Variants in NKD1 observed in about 807,000 individuals in gnomAD.
NKD1 encodes protein naked cuticle homolog 1.
In NKD1, 21 loss-of-function variants were observed where a neutral mutation model predicts 56.0. The observed-to-expected ratio is 0.38, with a 90% CI of 0.27 to 0.54. NKD1 has a LOEUF of 0.54. Ranked by LOEUF, NKD1 falls within the 20% of genes least tolerant of loss-of-function variation. The probability of loss-of-function intolerance (pLI) is 0.82; values close to 1 mark genes in which losing one functional copy is unlikely to be tolerated. For synonymous variants in NKD1, 263 were observed against 265.7 expected (o/e 0.99, Z 0.10); for missense variants, 578 against 642.7 (o/e 0.90, Z 1.09).
chr16:50,621,913 C>T (rs1962100797), intron 5 of NKD1, among the ~76,000 whole-genome samples: 1 of 152,238 alleles, frequency 6.6e-6, no homozygotes, highest in African/African-American at 2.4e-5. Context: ...TGCCCACCCC[C>T]TCAGCCCAGC....
At chr16:50,574,288 G>T in intron 3 of NKD1, 3 of 985,404 alleles carry the variant, frequency 3.0e-6, no homozygotes, top group African/African-American at 1.7e-5. Flanking sequence ...GACAGTGGGG[G>T]CTAGGGATTG....
intron 3 of NKD1, chr16:50,556,310 A>G (rs1466144484): frequency 1.3e-5 from 2 of 152,258 alleles, no homozygotes; most frequent in African/African-American, 4.8e-5. Context: ...ACTTCCAGAG[A>G]CATAAGTAAT....
intron 3 of NKD1, chr16:50,558,425 A>G (rs1274978119): frequency 1.3e-5 from 2 of 152,220 alleles, no homozygotes; most frequent in Non-Finnish European, 2.9e-5. Context: ...TATCGCATAG[A>G]TGAGGAGGCA....
chr16:50,554,042 G>A (rs1430541218), intron 3 of NKD1: 3 of 152,324 alleles, frequency 2.0e-5, no homozygotes, highest in East Asian at 3.8e-4. Context: ...GGGTCTTTGT[G>A]ATGTGGTCTC....
In NKD1 at chr16:50,637,092, G is replaced by A. The variant is rs745980749; in HGVS notation, c.*3311G>A. ...CACCAGCTTGCCCCATCCCCTCCTGGTGGTCATAAGGGTCATCTCTCATCC... is the reference window on the plus strand; with the variant it reads ...CACCAGCTTGCCCCATCCCCTCCTGATGGTCATAAGGGTCATCTCTCATCC... On this transcript the variant is annotated 3_prime_UTR_variant, in exon 10 of 10. Transcript: ENST00000268459. The A allele has an allele frequency of 6.6e-6, 1 of 152,130 alleles. No individual in the cohort carries two copies. Among genetic ancestry groups the A allele is most frequent in the African/African-American group, 2.4e-5 (1 of 41,392 alleles). 9.4% of individuals were successfully genotyped at this position (152,130 alleles called of 1,614,324 possible). A position where few individuals can be genotyped will look rare whatever the true frequency, so the allele number is the denominator to read the frequency against.
At position 50,649,198 on chromosome 16, in the gene NKD1, G is replaced by T. The variant is rs1325027930; in HGVS notation, c.*15417G>T. On this transcript the variant is annotated 3_prime_UTR_variant, in exon 10 of 10. Coordinates refer to ENST00000268459, the MANE Select transcript of NKD1 (RefSeq NM_033119.5). ...CATGGGACCTGACTGGGCTTTGTTT[G>T]CAACTTTCTGATAATTTATAATTAT... The T allele has an allele frequency of 2.0e-5, 3 of 152,074 alleles. No homozygotes were observed. Among genetic ancestry groups the T allele is most frequent in the Non-Finnish European group, 4.4e-5 (3 of 68,006 alleles). The allele number at this position is 152,074 out of a possible 1,614,324, so 9.4% of individuals were successfully genotyped here.
intron 3 of NKD1, among the ~76,000 whole-genome samples, chr16:50,601,958 C>T (rs1424081988): frequency 1.5e-4 from 23 of 152,206 alleles, no homozygotes; most frequent in Admixed American, 1.5e-3. Context: ...TCCAGGCCTC[C>T]AGGAGCCCTC....
intron 3 of NKD1, among the ~76,000 whole-genome samples, chr16:50,583,418 C>T (rs995153287): frequency 6.6e-6 from 1 of 152,136 alleles, no homozygotes; most frequent in African/African-American, 2.4e-5. Context: ...AGCCTTCCAG[C>T]CACCCCTACC....
intron 3 of NKD1, among the ~76,000 whole-genome samples, chr16:50,576,684 A>G (rs1316369354): frequency 6.6e-6 from 1 of 150,408 alleles, no homozygotes; most frequent in Non-Finnish European, 1.5e-5. Context: ...CCCCAAATTC[A>G]TTGAGTTGTA....
At chr16:50,602,736 G>A (rs114913829) in intron 3 of NKD1, among the ~76,000 whole-genome samples, 155 of 152,330 alleles carry the variant, frequency 1.0e-3, no homozygotes, top group African/African-American at 3.7e-3. Context: ...AGCACAGTCT[G>A]CGTGTCTTCC....
chr16:50,621,514 C>A, intron 4 of NKD1, 88 bp from the exon 5 acceptor site: 1 of 898,514 alleles, frequency 1.1e-6, no homozygotes, highest in Admixed American at 2.2e-5. Context: ...AATGTCCAGG[C>A]CAGGCATGGA....
intron 3 of NKD1, among the ~76,000 whole-genome samples, chr16:50,567,055 C>T (rs1034873388): frequency 1.4e-5 from 2 of 147,950 alleles, no homozygotes; most frequent in African/African-American, 2.5e-5. Context: ...ACTCCTTTTT[C>T]CCTATGTGAT....
chr16:50,630,159 A>G (rs746517239), intron 6 of NKD1, 27 bp from the exon 7 acceptor site: 1 of 1,611,336 alleles, frequency 6.2e-7, no homozygotes, highest in South Asian at 1.1e-5. Flanking sequence ...GAAACCCTGC[A>G]TGGGTCTCCG....
chr16:50,595,162 G>A (rs972162917), intron 3 of NKD1, among the ~76,000 whole-genome samples: 1 of 152,142 alleles, frequency 6.6e-6, no homozygotes, highest in Non-Finnish European at 1.5e-5. Context: ...TCGCTCGCTG[G>A]TTCTTTGCTA....
At chr16:50,606,633 C>A in intron 3 of NKD1, 1 of 388,362 alleles carries the variant, frequency 2.6e-6, no homozygotes, top group Non-Finnish European at 5.3e-6. Context: ...TGTCTGGAGT[C>A]TTTAAACTCT....
At chr16:50,572,807 T>C in intron 3 of NKD1, 1 of 850,432 alleles carries the variant, frequency 1.2e-6, no homozygotes, top group Non-Finnish European at 1.4e-6. Flanking sequence ...CAAAGCCAGT[T>C]TCTTTCAAGC....
At chr16:50,549,009 A>G in intron 2 of NKD1, 3 of 704,850 alleles carry the variant, frequency 4.3e-6, no homozygotes, top group Non-Finnish European at 4.9e-6. Flanking sequence ...CTCTCACGGC[A>G]CCCTCTCTTC....
At chr16:50,599,494 G>A (rs1452449086) in intron 3 of NKD1, among the ~76,000 whole-genome samples, 1 of 152,190 alleles carries the variant, frequency 6.6e-6, no homozygotes, top group Non-Finnish European at 1.5e-5. Context: ...GTTTCCTCAT[G>A]GCCAAAGTGG....
intron 5 of NKD1, among the ~76,000 whole-genome samples, chr16:50,622,170 A>C (rs145593938): frequency 1.5e-3 from 221 of 152,304 alleles, no homozygotes; most frequent in Non-Finnish European, 1.7e-3. Context: ...CCATGTGGGC[A>C]CCACCAAGGA....
Sources: allele counts gnomAD v4.1 joint callset (sites outside exome capture counted in the v4.1 genomes callset), GRCh38; gene constraint gnomAD v4.1.1; transcripts MANE v1.5; gene names NCBI Gene and HGNC (gene_info 2026-07-23, HGNC 2026-07-21).